The following CTNNA3 variants were observed in gnomAD, a reference collection of about 807,000 sequenced individuals.
CTNNA3 encodes the protein catenin alpha-3.
In CTNNA3, 76 loss-of-function variants were observed where a neutral mutation model predicts 95.7. The ratio of observed to expected loss-of-function variants is 0.79; its 90% CI spans 0.66 to 0.96. CTNNA3 has a LOEUF of 0.96. Ranked by LOEUF, CTNNA3 falls within the 40% of genes least tolerant of loss-of-function variation. The pLI is 0.00. For synonymous variants in CTNNA3, 431 were observed against 374.4 expected (o/e 1.15, Z -1.74); for missense variants, 1,191 against 1,089.8 (o/e 1.09, Z -1.31).
chr10:67,686,395 TG>T (rs1409401505), intron 1 of CTNNA3, among the ~76,000 whole-genome samples: 1 of 152,204 alleles, frequency 6.6e-6, no homozygotes, highest in Admixed American at 6.5e-5. Flanking sequence ...GAGATCATCT[TG>T]GGTGGCATAA....
intron 1 of CTNNA3, among the ~76,000 whole-genome samples, chr10:67,754,055 G>A (rs1055977564): frequency 6.6e-6 from 1 of 152,146 alleles, no homozygotes; most frequent in African/African-American, 2.4e-5. Flanking sequence ...CAAAGACATG[G>A]AATCAACCCA....
chr10:66,550,568 G>T lies in CTNNA3; in HGVS notation c.1375-29795C>A, dbSNP rs192730428. Among the ~76,000 whole-genome samples, 1,019 of 152,216 alleles carry T rather than the reference G, an allele frequency of 6.7e-3. 14 individuals are homozygous for T. Among genetic ancestry groups the T allele is most frequent in the Middle Eastern group, 6.8e-3 (2 of 294 alleles). On this transcript the variant is annotated intron_variant, in intron 10 of 17. Coordinates refer to ENST00000433211, the MANE Select transcript of CTNNA3 (RefSeq NM_013266.4). ...ACAGACACCATATGGCCTGCAAGAT[G>T]AAAATATTTACTCTTTGGCCCTCTA...
chr10:66,168,257 G>A (rs745467924), intron 13 of CTNNA3, among the ~76,000 whole-genome samples: 1 of 152,118 alleles, frequency 6.6e-6, no homozygotes, highest in Non-Finnish European at 1.5e-5. Flanking sequence ...GTGACATCCT[G>A]AAAGATAATG....
At chr10:66,979,281 A>C (rs1248880924) in intron 7 of CTNNA3, among the ~76,000 whole-genome samples, 1 of 151,982 alleles carries the variant, frequency 6.6e-6, no homozygotes, top group East Asian at 1.9e-4. Context: ...ACTATTTCTT[A>C]AGTAGGACTT....
In CTNNA3 at chr10:66,775,182, G is replaced by C. The variant is rs4291568; in HGVS notation, c.1128+262C>G. Among the ~76,000 whole-genome samples, 149,188 of 152,290 alleles carry C rather than the reference G, an allele frequency of 0.98. 73,088 individuals carry two copies. Among genetic ancestry groups the C allele is most frequent in the East Asian group, 1 (5,163 of 5,168 alleles). On this transcript the variant is annotated intron_variant, in intron 8 of 17. Transcript: ENST00000433211. ...AGCTCAGAGAGCTGAAATATGTGCC[G>C]AAGATCTCACAACTGATGAGAACAG...
chr10:66,976,026 C>T (rs1850009298), intron 7 of CTNNA3, among the ~76,000 whole-genome samples: 1 of 152,048 alleles, frequency 6.6e-6, no homozygotes, highest in African/African-American at 2.4e-5. Context: ...CTTTAATTTC[C>T]CTGTATAAAA....
intron 5 of CTNNA3, among the ~76,000 whole-genome samples, chr10:67,368,681 A>C (rs1843304059): frequency 6.6e-6 from 1 of 152,238 alleles, no homozygotes; most frequent in South Asian, 2.1e-4. Flanking sequence ...ATTTCACAAT[A>C]TTTAAAACTA....
chr10:66,003,960 C>T (rs1188502869), intron 15 of CTNNA3, among the ~76,000 whole-genome samples: 2 of 152,186 alleles, frequency 1.3e-5, no homozygotes, highest in African/African-American at 4.8e-5. Flanking sequence ...TTCGCATGCC[C>T]ACTCTGTTCC....
At chr10:66,182,464 C>T (rs1289782547) in intron 13 of CTNNA3, among the ~76,000 whole-genome samples, 1 of 151,992 alleles carries the variant, frequency 6.6e-6, no homozygotes, top group Non-Finnish European at 1.5e-5. Flanking sequence ...ACCATGTTAG[C>T]CAGGATGGTC....
chr10:67,291,772 TATGAAAA>T (rs752958796), intron 5 of CTNNA3, among the ~76,000 whole-genome samples: 2 of 152,170 alleles, frequency 1.3e-5, no homozygotes, highest in Non-Finnish European at 1.5e-5. Context: ...CACAGCTTTC[TATGAAAA>T]ATGAAAGATA....
intron 8 of CTNNA3, among the ~76,000 whole-genome samples, chr10:66,769,663 A>T (rs1840006817): frequency 6.6e-6 from 1 of 152,124 alleles, no homozygotes; most frequent in Admixed American, 6.6e-5. Context: ...CCCAGCATAA[A>T]CACTGCCTGG....
chr10:67,369,817 G>C (rs946555188), intron 5 of CTNNA3, among the ~76,000 whole-genome samples: 1 of 152,126 alleles, frequency 6.6e-6, no homozygotes, highest in Non-Finnish European at 1.5e-5. Flanking sequence ...GACACTGTTA[G>C]TTAGGCTTCA....
intron 1 of CTNNA3, among the ~76,000 whole-genome samples, chr10:67,680,913 T>C (rs1337919716): frequency 6.6e-6 from 1 of 152,128 alleles, no homozygotes; most frequent in Non-Finnish European, 1.5e-5. Flanking sequence ...TTCTTAAAAA[T>C]ACAAATGTGG....
intron 7 of CTNNA3, among the ~76,000 whole-genome samples, chr10:67,096,733 C>A (rs1223614639): frequency 6.6e-6 from 1 of 151,804 alleles, no homozygotes; most frequent in Non-Finnish European, 1.5e-5. Context: ...TGCTTTTTCC[C>A]TCACTTTTAG....
At chr10:67,533,062 G>A (rs557623090) in intron 4 of CTNNA3, among the ~76,000 whole-genome samples, 4 of 152,310 alleles carry the variant, frequency 2.6e-5, no homozygotes, top group South Asian at 4.1e-4. Flanking sequence ...GGTGGCGGAC[G>A]CCTGTAATCC....
At chr10:66,293,228 G>T (rs1453980174) in intron 12 of CTNNA3, among the ~76,000 whole-genome samples, 4 of 152,024 alleles carry the variant, frequency 2.6e-5, no homozygotes, top group African/African-American at 9.7e-5. Context: ...CAAACTACTG[G>T]TGGCTGAAAA....
At chr10:66,729,908 T>C (rs1291868597) in intron 9 of CTNNA3, among the ~76,000 whole-genome samples, 3 of 151,928 alleles carry the variant, frequency 2.0e-5, no homozygotes, top group Non-Finnish European at 4.4e-5. Context: ...ATCGAGACCA[T>C]CCTGGCTAAT....
intron 13 of CTNNA3, among the ~76,000 whole-genome samples, chr10:66,254,996 A>G (rs950539551): frequency 1.3e-5 from 2 of 152,200 alleles, no homozygotes; most frequent in Non-Finnish European, 2.9e-5. Context: ...GCCCCCTTCC[A>G]AGGGTGGCAA....
intron 10 of CTNNA3, among the ~76,000 whole-genome samples, chr10:66,534,251 G>A (rs1390831525): frequency 1.3e-5 from 2 of 152,000 alleles, no homozygotes; most frequent in African/African-American, 4.8e-5. Context: ...AAATAAGAAT[G>A]AATTCAAGCT....
Sources: gnomAD v4.1 joint callset for allele counts (sites outside exome capture counted in the v4.1 genomes callset) on GRCh38, gnomAD v4.1.1 for gene constraint, MANE v1.5 for transcripts, NCBI Gene and HGNC (gene_info 2026-07-23, HGNC 2026-07-21) for gene names.